BCL11B: variants seen among roughly 807,000 people sequenced by gnomAD.
BCL11B encodes BCL11 transcription factor B, also known as B-cell lymphoma/leukemia 11B.
A neutral mutation model predicts 49.9 loss-of-function variants in BCL11B; 8 were observed. The ratio of observed to expected loss-of-function variants is 0.16; its 90% CI spans 0.09 to 0.29. The LOEUF is 0.29. Among genes scored for constraint, BCL11B ranks in the 10% least tolerant of loss-of-function variants. BCL11B has a pLI of 1.00. For synonymous variants in BCL11B, 739 were observed against 637.4 expected, an observed-to-expected ratio of 1.16 and a Z score of -2.40; for missense variants, 1,006 against 1,351.0, an observed-to-expected ratio of 0.74 and a Z score of 4.00.
intron 3 of BCL11B, among the ~76,000 whole-genome samples, chr14:99,201,434 G>C (rs1887380409): frequency 6.6e-6 from 1 of 152,108 alleles, no homozygotes; most frequent in African/African-American, 2.4e-5. Context: ...ATCCCACAGG[G>C]GGCTTCCTTC....
chr14:99,227,965 G>A (rs578198929), intron 3 of BCL11B, among the ~76,000 whole-genome samples: 29 of 152,226 alleles, frequency 1.9e-4, no homozygotes, highest in Admixed American at 9.2e-4. Context: ...TTGGGGTCCC[G>A]GGAGGCAGGG....
intron 3 of BCL11B, among the ~76,000 whole-genome samples, chr14:99,220,334 CCAA>C (rs1336212124): frequency 6.6e-6 from 1 of 152,156 alleles, no homozygotes. Flanking sequence ...CAAAAGCAGC[CCAA>C]CTGTCCATCA....
At chr14:99,217,406 ACACACACACACG>A (rs1478717375) in intron 3 of BCL11B, among the ~76,000 whole-genome samples, 2 of 152,070 alleles carry the variant, frequency 1.3e-5, no homozygotes, top group Non-Finnish European at 1.5e-5. Flanking sequence ...ACACACACAC[ACACACACACACG>A]GCCTTTTATT....
At chr14:99,210,701 C>T (rs1275412044) in intron 3 of BCL11B, among the ~76,000 whole-genome samples, 2 of 152,174 alleles carry the variant, frequency 1.3e-5, no homozygotes, top group Non-Finnish European at 2.9e-5. Context: ...GGTAGGGCTT[C>T]CCACTGGGGA....
rs997973671 is a variant in BCL11B, at chr14:99,170,942, C to T, written c.*3209G>A. On this transcript the variant is annotated 3_prime_UTR_variant, in exon 4 of 4. Coordinates refer to ENST00000357195, the MANE Select transcript of BCL11B (RefSeq NM_138576.4). ...TTGCATTGCTTTCTGCTGGTAAGGG[C>T]GGGAGAGGTGGTGGTGGTGACCGCC... is the stretch of plus-strand genomic sequence containing the variant. 12 of 232,136 alleles carry T rather than the reference C, an allele frequency of 5.2e-5. No individual in the cohort carries two copies. Among genetic ancestry groups the T allele is most frequent in the African/African-American group, 2.2e-4 (10 of 45,222 alleles). The allele number at this position is 232,136 out of a possible 1,614,324, so 14.4% of individuals were successfully genotyped here.
At chr14:99,259,241 G>A (rs1159942277) in intron 1 of BCL11B, among the ~76,000 whole-genome samples, 3 of 152,132 alleles carry the variant, frequency 2.0e-5, no homozygotes, top group African/African-American at 4.8e-5. Flanking sequence ...ACAGAGGAAC[G>A]GCGAGAAGGA....
Position 99,171,405 on chromosome 14 carries a change from CTGTT to C in BCL11B, c.*2742_*2745del, listed in dbSNP as rs907897991. 4.2e-5 allele frequency: 9 copies of C among 216,384 alleles called. No individual in the cohort carries two copies. Among genetic ancestry groups the C allele is most frequent in the African/African-American group, 1.4e-4 (6 of 44,232 alleles). The allele number at this position is 216,384 out of a possible 1,614,324, so 13.4% of individuals were successfully genotyped here. ...AATTAAAAAAATATATTATGGCAGC[CTGTT>C]TGTTTTTGTTTTTTTTTTCTTTTTA... On this transcript the variant is annotated 3_prime_UTR_variant, in exon 4 of 4. Coordinates refer to ENST00000357195, the MANE Select transcript of BCL11B (RefSeq NM_138576.4).
chr14:99,188,252 T>C (rs987978248), intron 3 of BCL11B, among the ~76,000 whole-genome samples: 1 of 152,234 alleles, frequency 6.6e-6, no homozygotes, highest in East Asian at 1.9e-4. Flanking sequence ...ATTTAAATTG[T>C]GTATAATGAT....
chr14:99,197,876 T>C (rs1170865554), intron 3 of BCL11B, among the ~76,000 whole-genome samples: 3 of 152,156 alleles, frequency 2.0e-5, no homozygotes, highest in African/African-American at 4.8e-5. Flanking sequence ...CAGACTCTGC[T>C]GTGCAGGCCC....
chr14:99,235,452 C>T (rs1012833614), intron 2 of BCL11B, among the ~76,000 whole-genome samples: 1 of 152,058 alleles, frequency 6.6e-6, no homozygotes. Context: ...TCTCACAAGT[C>T]GGAGAAAATT....
At chr14:99,252,668 G>A (rs563321128) in intron 2 of BCL11B, among the ~76,000 whole-genome samples, 1 of 152,376 alleles carries the variant, frequency 6.6e-6, no homozygotes, top group East Asian at 1.9e-4. Flanking sequence ...TCCAAGCCCA[G>A]AGGGATCTGC....
chr14:99,238,892 GC>G (rs1414642727), intron 2 of BCL11B, among the ~76,000 whole-genome samples: 3 of 152,208 alleles, frequency 2.0e-5, no homozygotes, highest in African/African-American at 4.8e-5. Flanking sequence ...GAATGGGCAG[GC>G]CTGAGGACAA....
At chr14:99,240,858 G>A (rs1288756404) in intron 2 of BCL11B, among the ~76,000 whole-genome samples, 3 of 152,310 alleles carry the variant, frequency 2.0e-5, no homozygotes, top group South Asian at 4.1e-4. Flanking sequence ...GCGAGACGCC[G>A]CTGTAACAGA....
At chr14:99,188,971 C>T (rs1042304039) in intron 3 of BCL11B, among the ~76,000 whole-genome samples, 1 of 152,244 alleles carries the variant, frequency 6.6e-6, no homozygotes, top group African/African-American at 2.4e-5. Context: ...CGAATCAATA[C>T]GACGTGCCAC....
At position 99,174,973 on chromosome 14, in the gene BCL11B, G is replaced by A; in HGVS notation, c.1863C>T (p.Gly621=). 6.4e-7 allele frequency: 1 copy of A among 1,558,922 alleles called. No individual in the cohort carries two copies. The highest frequency in any genetic ancestry group is 1.1e-5 in the South Asian group (1 of 88,000). Residue 621 remains glycine, a synonymous_variant, in exon 4 of 4, where the codon GGC becomes GGT. Transcript: ENST00000357195. ...GELLADKQKR[G]AFLKRAAGGG... ...CGCCCGCCGCACGCTTCAGGAAGGC[G>A]CCGCGCTTCTGCTTGTCGGCCAGGA...
intron 3 of BCL11B, among the ~76,000 whole-genome samples, chr14:99,199,410 G>A (rs1414310442): frequency 6.6e-6 from 1 of 152,166 alleles, no homozygotes; most frequent in African/African-American, 2.4e-5. Flanking sequence ...TTCAACAGCC[G>A]AGGAATTCTG....
chr14:99,234,014 G>A (rs1188641241), intron 2 of BCL11B, among the ~76,000 whole-genome samples: 3 of 152,178 alleles, frequency 2.0e-5, no homozygotes, highest in Admixed American at 2.0e-4. Flanking sequence ...TCCCAAGGGT[G>A]GAACTCAAGA....
At chr14:99,229,613 G>A (rs929818769) in intron 3 of BCL11B, among the ~76,000 whole-genome samples, 11 of 152,124 alleles carry the variant, frequency 7.2e-5, no homozygotes, top group Admixed American at 2.6e-4. Flanking sequence ...ATGAGGGAGC[G>A]GCTCAGTCCT....
At position 99,231,688 on chromosome 14, in the gene BCL11B, C is replaced by G. The variant is rs1888341712; in HGVS notation, c.428-131G>C. ...TCGGGGGTGGGAGGCCCCCGGGGTG[C>G]CAGGCCCTGCAGGGAAGGCAATCGG... On this transcript the variant is annotated intron_variant, in intron 2 of 3. Coordinates refer to ENST00000357195, the MANE Select transcript of BCL11B (RefSeq NM_138576.4). The surrounding 1 kb of genome is among the most constrained non-coding windows in gnomAD (Gnocchi z 8.1). The G allele has an allele frequency of 3.2e-6, 3 of 940,544 alleles. No individual in the cohort carries two copies. The Admixed American group carries it at 7.1e-5, about 22-fold the overall frequency. The allele number at this position is 940,544 out of a possible 1,614,324, so 58.3% of individuals were successfully genotyped here.
Sources: gnomAD v4.1 joint callset for allele counts (sites outside exome capture counted in the v4.1 genomes callset) on GRCh38, gnomAD v4.1.1 for gene constraint, Gnocchi (gnomAD v3.1) non-coding constraint, MANE v1.5 for transcripts, NCBI Gene and HGNC (gene_info 2026-07-23, HGNC 2026-07-21) for gene names.